Variants in HIVEP2 observed in about 807,000 individuals in gnomAD.
HIVEP2 encodes the protein HIVEP zinc finger 2.
Under a neutral mutation model 180.7 loss-of-function variants are expected in HIVEP2, and 14 were observed. That is an observed-to-expected ratio of 0.08 (90% CI 0.05 to 0.12). The LOEUF is 0.12. Among genes scored for constraint, HIVEP2 ranks in the 10% least tolerant of loss-of-function variants. The pLI is 1.00. For synonymous variants in HIVEP2, 1,184 were observed against 1,136.4 expected, an observed-to-expected ratio of 1.04 and a Z score of -0.84; for missense variants, 2,579 against 3,008.5, an observed-to-expected ratio of 0.86 and a Z score of 3.34.
rs144948553 is a variant in HIVEP2, at chr6:142,816,688, C to T, written c.-528+20247G>A. Among the ~76,000 whole-genome samples, 1,041 of 152,268 alleles carry T rather than the reference C, an allele frequency of 6.8e-3. 10 individuals carry two copies. The highest frequency in any genetic ancestry group is 9.3e-3 in the Non-Finnish European group (633 of 68,024). On this transcript the variant is annotated intron_variant, in intron 2 of 9. Coordinates refer to ENST00000367603, the MANE Select transcript of HIVEP2 (RefSeq NM_006734.4). ...ATACATTGTCCTCTTCCAAGCCTCC[C>T]CTGGCTCAAAGTCAATCTTAATGCA...
At chr6:142,755,122 ATTCATCCAG>A (rs775764794) in intron 9 of HIVEP2, among the ~76,000 whole-genome samples, 11 of 152,198 alleles carry the variant, frequency 7.2e-5, no homozygotes, top group Non-Finnish European at 1.3e-4. Flanking sequence ...AGCATTAAAG[ATTCATCCAG>A]TTCTATCTAG....
At position 142,772,142 on chromosome 6, in the gene HIVEP2, G is replaced by T; in HGVS notation, c.2597C>A (p.Ser866Tyr). The part of the protein sequence containing the change: ...GAESGGKPSP[S>Y]QQVQQQSYHT... ...ATAGGACTGCTGCTGCACCTGCTGA[G>T]ATGGAGAGGGTTTCCCCCCACTTTC... The change falls in exon 5 of 10, where the codon TCT (serine) becomes TAT (tyrosine). Residue 866 changes from serine to tyrosine, a missense_variant. Coordinates refer to ENST00000367603, the MANE Select transcript of HIVEP2 (RefSeq NM_006734.4). The surrounding 1 kb of genome is among the most constrained non-coding windows in gnomAD (Gnocchi z 4.9). 2 of 1,614,244 alleles carry T rather than the reference G, an allele frequency of 1.2e-6. No individual in the cohort carries two copies. Among genetic ancestry groups the T allele is most frequent in the South Asian group, 2.2e-5 (2 of 91,092 alleles).
chr6:142,796,913 A>C (rs573433494), intron 2 of HIVEP2, among the ~76,000 whole-genome samples: 1 of 152,310 alleles, frequency 6.6e-6, no homozygotes, highest in South Asian at 2.1e-4. Context: ...AGGGAACTAC[A>C]GAATTATTAC....
At chr6:142,867,854 C>A (rs1776180160) in intron 1 of HIVEP2, among the ~76,000 whole-genome samples, 1 of 152,070 alleles carries the variant, frequency 6.6e-6, no homozygotes, top group Non-Finnish European at 1.5e-5. Context: ...CAATAGGATC[C>A]CATATGAATT....
Position 142,842,169 on chromosome 6 carries a change from C to T in HIVEP2, c.-640-5122G>A, listed in dbSNP as rs539851982. Among the ~76,000 whole-genome samples, 145 of 152,290 alleles carry T rather than the reference C, an allele frequency of 9.5e-4. 1 individual carries two copies. Among genetic ancestry groups the T allele is most frequent in the African/African-American group, 3.4e-3 (140 of 41,572 alleles). On this transcript the variant is annotated intron_variant, in intron 1 of 9. Transcript: ENST00000367603. ...AGCTAGCTAGAGCCCTCCTCCTTCC[C>T]TTCCACCCACCATTGTCTCTTATTT...
chr6:142,850,469 T>C (rs562143374), intron 1 of HIVEP2, among the ~76,000 whole-genome samples: 1 of 152,276 alleles, frequency 6.6e-6, no homozygotes, highest in African/African-American at 2.4e-5. Context: ...AAAATGAAAC[T>C]ACTAAAAGAT....
intron 1 of HIVEP2, among the ~76,000 whole-genome samples, chr6:142,905,166 C>A (rs1777231987): frequency 6.6e-6 from 1 of 152,140 alleles, no homozygotes; most frequent in African/African-American, 2.4e-5. Context: ...ATTGAATTCC[C>A]ATCTCTAAAT....
At chr6:142,847,187 T>A (rs1394864791) in intron 1 of HIVEP2, among the ~76,000 whole-genome samples, 1 of 152,196 alleles carries the variant, frequency 6.6e-6, no homozygotes, top group East Asian at 1.9e-4. Flanking sequence ...TGGAATCACT[T>A]CCAATTCCTC....
intron 1 of HIVEP2, among the ~76,000 whole-genome samples, chr6:142,875,798 G>A (rs1413494574): frequency 6.6e-6 from 1 of 152,182 alleles, no homozygotes; most frequent in East Asian, 1.9e-4. Context: ...GACACTGATA[G>A]TTCTCTTTTG....
chr6:142,885,843 T>C (rs1197703942), intron 1 of HIVEP2, among the ~76,000 whole-genome samples: 2 of 152,336 alleles, frequency 1.3e-5, no homozygotes, highest in African/African-American at 2.4e-5. Context: ...AACTATCTTA[T>C]AAAATGCCGC....
At chr6:142,764,199 C>T (rs139574527) in intron 7 of HIVEP2, among the ~76,000 whole-genome samples, 93 of 152,116 alleles carry the variant, frequency 6.1e-4, no homozygotes, top group African/African-American at 2.1e-3. Flanking sequence ...ATAAATCTAC[C>T]TGTTAAAAAC....
chr6:142,794,354 A>T (rs1409402342), intron 2 of HIVEP2, among the ~76,000 whole-genome samples: 1 of 152,218 alleles, frequency 6.6e-6, no homozygotes, highest in African/African-American at 2.4e-5. Context: ...CCAAAGTTGA[A>T]TCTATTTGTA....
Position 142,772,120 on chromosome 6 carries a change from G to A in HIVEP2, c.2619C>T (p.Ser873=), listed in dbSNP as rs752539900. The change falls in exon 5 of 10, where the codon TCC becomes TCT. Residue 873 remains serine (S), a synonymous_variant. Transcript: ENST00000367603. This position sits in a 1 kb window ranked among gnomAD's most constrained non-coding sequence, Gnocchi z 4.9. ...PSPSQQVQQQ[S]YHTQPRLVRQ... is the part of the protein sequence containing the mutation. Reference sequence around the variant, plus strand: ...GAACTAGCCTGGGCTGTGTGTGATAGGACTGCTGCTGCACCTGCTGAGATG... The same window carrying A: ...GAACTAGCCTGGGCTGTGTGTGATAAGACTGCTGCTGCACCTGCTGAGATG... The A allele has an allele frequency of 6.2e-6, 10 of 1,614,052 alleles. No homozygotes were observed. The Admixed American group carries it at 8.3e-5, about 13-fold the overall frequency.
chr6:142,861,612 T>C (rs964614526), intron 1 of HIVEP2, among the ~76,000 whole-genome samples: 3 of 152,182 alleles, frequency 2.0e-5, no homozygotes, highest in Admixed American at 6.5e-5. Context: ...AACAGTAATA[T>C]CCCAAATTTA....
chr6:142,774,909 G>C lies in HIVEP2; in HGVS notation c.-171C>G, dbSNP rs1028291987. 6.8e-7 allele frequency: 1 copy of C among 1,471,964 alleles called. No homozygotes were observed. Among genetic ancestry groups the C allele is most frequent in the Non-Finnish European group, 8.9e-7 (1 of 1,119,822 alleles). 91.2% of individuals were successfully genotyped at this position (1,471,964 alleles called of 1,614,324 possible). A position where few individuals can be genotyped will look rare whatever the true frequency, so the allele number is the denominator to read the frequency against. ...CTTCCACACGCACACCACAGTCGAT[G>C]GGCATTAGCTAGTAATGTCCTTGGA... On this transcript the variant is annotated 5_prime_UTR_variant, in exon 5 of 10. Coordinates refer to ENST00000367603, the MANE Select transcript of HIVEP2 (RefSeq NM_006734.4). This position sits in a 1 kb window ranked among gnomAD's most constrained non-coding sequence, Gnocchi z 5.1.
chr6:142,818,848 T>C (rs2114823029), intron 2 of HIVEP2, among the ~76,000 whole-genome samples: 1 of 149,052 alleles, frequency 6.7e-6, no homozygotes, highest in African/African-American at 2.5e-5. Context: ...CATTAAAAAA[T>C]GCCCAGGAAC....
Position 142,772,365 on chromosome 6 carries a change from T to C in HIVEP2, c.2374A>G (p.Arg792Gly). ...GAAATCACATTTCCAGGAGGTTTCCTGCCCCCTAGGTCTGACATCTTGTCT... is the reference window on the plus strand; with the variant it reads ...GAAATCACATTTCCAGGAGGTTTCCCGCCCCCTAGGTCTGACATCTTGTCT... ...DSDKMSDLGG[R>G]KPPGNVISVI... The change falls in exon 5 of 10, where the codon AGG (arginine) becomes GGG (glycine). Residue 792 changes from arginine (R) to glycine (G), a missense_variant. Around this residue, in one of 11 missense-constraint regions of HIVEP2, gnomAD observed 524 missense variants for 563.6 expected, o/e 0.93. Coordinates refer to ENST00000367603, the MANE Select transcript of HIVEP2 (RefSeq NM_006734.4). The surrounding 1 kb of genome is among the most constrained non-coding windows in gnomAD (Gnocchi z 4.9). 6.2e-7 allele frequency: 1 copy of C among 1,614,262 alleles called. No individual in the cohort carries two copies. The highest frequency in any genetic ancestry group is 8.5e-7 in the Non-Finnish European group (1 of 1,180,046).
At chr6:142,920,183 C>A (rs1266597334) in intron 1 of HIVEP2, among the ~76,000 whole-genome samples, 1 of 152,226 alleles carries the variant, frequency 6.6e-6, no homozygotes, top group Non-Finnish European at 1.5e-5. Flanking sequence ...TTTTGTGTAA[C>A]TGCTACATGA....
chr6:142,839,496 T>C (rs1271563181), intron 1 of HIVEP2, among the ~76,000 whole-genome samples: 1 of 152,104 alleles, frequency 6.6e-6, no homozygotes, highest in African/African-American at 2.4e-5. Context: ...AATGGAGCAA[T>C]TTATCATTAG....
Sources: gnomAD v4.1 joint callset for allele counts (sites outside exome capture counted in the v4.1 genomes callset) on GRCh38, gnomAD v4.1.1 for gene constraint, gnomAD v4.1.1 regional missense constraint, Gnocchi (gnomAD v3.1) non-coding constraint, MANE v1.5 for transcripts, NCBI Gene and HGNC (gene_info 2026-07-23, HGNC 2026-07-21) for gene names.